Variants in SNX29 observed in about 807,000 individuals in gnomAD.
SNX29 encodes the protein sorting nexin 29, also known as sorting nexin-29.
Under a neutral mutation model 102.1 loss-of-function variants are expected in SNX29, and 78 were observed. The observed-to-expected ratio is 0.76, with a 90% confidence interval of 0.64 to 0.92. The LOEUF (loss-of-function observed/expected upper bound fraction) is 0.92, where lower values mean the gene tolerates loss of function less well. Ranked by LOEUF, SNX29 falls within the 40% of genes least tolerant of loss-of-function variation. The pLI is 0.00. For missense variants in SNX29, 1,280 were observed against 1,061.7 expected, an observed-to-expected ratio of 1.21 and a Z score of -2.86; for synonymous variants, 580 against 414.5, an observed-to-expected ratio of 1.40 and a Z score of -4.85.
At chr16:12,409,123 G>A (rs573705164) in intron 18 of SNX29, among the ~76,000 whole-genome samples, 2 of 152,304 alleles carry the variant, frequency 1.3e-5, no homozygotes, top group Non-Finnish European at 1.5e-5. Flanking sequence ...TTTTTCATCC[G>A]TGAGTACTTC....
chr16:12,478,100 T>C (rs148460624), intron 19 of SNX29, among the ~76,000 whole-genome samples: 1 of 152,342 alleles, frequency 6.6e-6, no homozygotes, highest in East Asian at 1.9e-4. Context: ...GGAAAACTTT[T>C]TCTTTAAAGG....
At chr16:12,112,750 T>C (rs1398750625) in intron 11 of SNX29, among the ~76,000 whole-genome samples, 4 of 152,234 alleles carry the variant, frequency 2.6e-5, no homozygotes, top group East Asian at 3.8e-4. Context: ...TTTCCAGTTA[T>C]ATTTTTGCTC....
At chr16:12,205,300 A>G (rs1285337019) in intron 14 of SNX29, among the ~76,000 whole-genome samples, 1 of 152,160 alleles carries the variant, frequency 6.6e-6, no homozygotes, top group African/African-American at 2.4e-5. Context: ...TTCGGTTGCA[A>G]GGAATAACAA....
At chr16:12,189,971 T>G (rs1452748095) in intron 13 of SNX29, among the ~76,000 whole-genome samples, 1 of 152,218 alleles carries the variant, frequency 6.6e-6, no homozygotes, top group Non-Finnish European at 1.5e-5. Context: ...TTGACGTATT[T>G]GTTATTCTCT....
intron 14 of SNX29, among the ~76,000 whole-genome samples, chr16:12,216,173 GACAC>G (rs1260144035): frequency 1.3e-5 from 2 of 152,292 alleles, no homozygotes; most frequent in African/African-American, 4.8e-5. Flanking sequence ...AAAGAAGATA[GACAC>G]AAGAGAAAAA....
At position 12,277,926 on chromosome 16, in the gene SNX29, T is replaced by C. The variant is rs2079306400; in HGVS notation, c.1679-7T>C. On this transcript the variant is annotated splice_region_variant and splice_polypyrimidine_tract_variant and intron_variant, in intron 14 of 20. Coordinates refer to ENST00000566228, the MANE Select transcript of SNX29 (RefSeq NM_032167.5). ...AATATTTATGACATGTCTCTCTTTCTCTAAAGTGCCAAATCTTTGGAGTGT... is the reference window on the plus strand; with the variant it reads ...AATATTTATGACATGTCTCTCTTTCCCTAAAGTGCCAAATCTTTGGAGTGT... 1.2e-6 allele frequency: 2 copies of C among 1,600,242 alleles called. No individual in the cohort carries two copies. The highest frequency in any genetic ancestry group is 3.5e-5 in the Admixed American group (2 of 57,856).
chr16:12,184,246 T>G (rs1305448124), intron 13 of SNX29, among the ~76,000 whole-genome samples: 3 of 152,196 alleles, frequency 2.0e-5, no homozygotes, highest in Non-Finnish European at 2.9e-5. Context: ...GTTCCCTGAT[T>G]GTTCCTAAAG....
At chr16:12,341,746 C>T (rs1194160696) in intron 15 of SNX29, among the ~76,000 whole-genome samples, 2 of 152,190 alleles carry the variant, frequency 1.3e-5, no homozygotes, top group African/African-American at 4.8e-5. Context: ...TTGTCACTTC[C>T]ACCTGGAACT....
At chr16:12,460,069 G>C (rs2086713397) in intron 18 of SNX29, among the ~76,000 whole-genome samples, 2 of 152,210 alleles carry the variant, frequency 1.3e-5, no homozygotes, top group Admixed American at 1.3e-4. Context: ...GTTAGCTGTG[G>C]CAGGAGGGAG....
intron 18 of SNX29, among the ~76,000 whole-genome samples, chr16:12,416,279 C>G (rs899598917): frequency 1.1e-4 from 17 of 152,132 alleles, no homozygotes; most frequent in African/African-American, 4.1e-4. Context: ...CGGGGCTTGT[C>G]TCGGGGCACC....
intron 13 of SNX29, among the ~76,000 whole-genome samples, chr16:12,156,330 C>T (rs1488221386): frequency 3.3e-5 from 5 of 152,232 alleles, no homozygotes; most frequent in African/African-American, 9.6e-5. Context: ...CCCACCACCA[C>T]ACCCGGTGAA....
At chr16:12,396,844 A>C (rs924893085) in intron 16 of SNX29, among the ~76,000 whole-genome samples, 1 of 152,244 alleles carries the variant, frequency 6.6e-6, no homozygotes, top group Non-Finnish European at 1.5e-5. Context: ...ATGGTTATGC[A>C]GTTAATACGT....
chr16:12,422,332 C>G (rs1446263856), intron 18 of SNX29, among the ~76,000 whole-genome samples: 4 of 152,206 alleles, frequency 2.6e-5, no homozygotes, highest in African/African-American at 4.8e-5. Context: ...ATATGAAAGG[C>G]TCAGTAAATA....
In SNX29 at chr16:12,021,106, C is replaced by G. The variant is rs558027171; in HGVS notation, c.123-6214C>G. On this transcript the variant is annotated intron_variant, in intron 3 of 20. Transcript: ENST00000566228. ...TTTTCATGATTGTAGTTGGTTTTCT[C>G]AAAAAGGCTCCAGTAAAGCTGTAAC... Among the ~76,000 whole-genome samples the G allele has an allele frequency of 2.6e-5, 4 of 152,202 alleles. No individual in the cohort carries two copies. The East Asian group carries it at 7.7e-4, about 29-fold the overall frequency.
At chr16:12,548,260 C>G (rs189429759) in intron 20 of SNX29, among the ~76,000 whole-genome samples, 2 of 152,300 alleles carry the variant, frequency 1.3e-5, no homozygotes, top group East Asian at 3.9e-4. Context: ...TTCTGGCTCA[C>G]CAGATGTGGA....
At chr16:12,541,442 A>T (rs544996588) in intron 20 of SNX29, among the ~76,000 whole-genome samples, 1 of 152,146 alleles carries the variant, frequency 6.6e-6, no homozygotes, top group Admixed American at 6.5e-5. Flanking sequence ...TCAATGTCTC[A>T]AAGGACCCAC....
At chr16:12,089,330 AAAAAT>A (rs1039670689) in intron 11 of SNX29, among the ~76,000 whole-genome samples, 3 of 152,068 alleles carry the variant, frequency 2.0e-5, no homozygotes, top group Admixed American at 6.6e-5. Flanking sequence ...GACCGTCTCA[AAAAAT>A]AAAATAAAAA....
At chr16:12,114,253 C>T (rs2053606592) in intron 11 of SNX29, among the ~76,000 whole-genome samples, 1 of 152,204 alleles carries the variant, frequency 6.6e-6, no homozygotes, top group Non-Finnish European at 1.5e-5. Flanking sequence ...TCCAGAGGTA[C>T]AGCTGCAAGT....
chr16:12,023,841 T>A (rs1156638861), intron 3 of SNX29, among the ~76,000 whole-genome samples: 1 of 152,192 alleles, frequency 6.6e-6, no homozygotes, highest in Non-Finnish European at 1.5e-5. Flanking sequence ...TCACTAGTTT[T>A]AACTCACCTG....
Sources: allele counts gnomAD v4.1 joint callset (sites outside exome capture counted in the v4.1 genomes callset), GRCh38; gene constraint gnomAD v4.1.1; transcripts MANE v1.5; gene names NCBI Gene and HGNC (gene_info 2026-07-23, HGNC 2026-07-21).